The following ATR variants were observed in gnomAD, a reference collection of about 807,000 sequenced individuals.
The protein encoded by ATR is serine/threonine-protein kinase ATR.
A neutral mutation model predicts 305.3 loss-of-function variants in ATR; 142 were observed. That is an observed-to-expected ratio of 0.47 (90% CI 0.41 to 0.53). ATR has a LOEUF of 0.53. ATR is among the 20% of genes least tolerant of loss of function. The probability of loss-of-function intolerance (pLI) is 0.00; values close to 1 mark genes in which losing one functional copy is unlikely to be tolerated. For synonymous variants in ATR, 1,050 were observed against 1,068.1 expected, an observed-to-expected ratio of 0.98 and a Z score of 0.33; for missense variants, 2,135 against 3,133.1, an observed-to-expected ratio of 0.68 and a Z score of 7.60.
intron 36 of ATR, among the ~76,000 whole-genome samples, chr3:142,478,185 G>T (rs976861521): frequency 1.3e-5 from 2 of 152,102 alleles, no homozygotes; most frequent in African/African-American, 4.8e-5. Context: ...TGATGTTAGG[G>T]TGTCAATTTT....
Position 142,469,559 on chromosome 3 carries a change from G to A in ATR, c.6330C>T (p.Ser2110=), listed in dbSNP as rs143869958. Residue 2110 remains serine, a synonymous_variant, in exon 38 of 47, where the codon TCC becomes TCT. Coordinates refer to ENST00000350721, the MANE Select transcript of ATR (RefSeq NM_001184.4). ...KAYEWEKAGR[S]DRVQMRNDLG... ...AATCATTCCTCATTTGTACACGATC[G>A]GAGCGGCCAGCTGGGGGAAGAAATA... 26 of 1,612,300 alleles carry A rather than the reference G, an allele frequency of 1.6e-5. No homozygotes were observed. The highest frequency in any genetic ancestry group is 8.3e-5 in the Admixed American group (5 of 59,960).
chr3:142,523,034 T>C (rs1395816088), intron 22 of ATR, among the ~76,000 whole-genome samples, 193 bp from the exon 23 acceptor site: 1 of 152,198 alleles, frequency 6.6e-6, no homozygotes, highest in Non-Finnish European at 1.5e-5. Context: ...AGCCAAAATG[T>C]AAAGCTTTTT....
intron 1 of ATR, among the ~76,000 whole-genome samples, chr3:142,571,496 T>C (rs2035258483): frequency 1.3e-5 from 2 of 149,376 alleles, no homozygotes; most frequent in African/African-American, 2.5e-5. Flanking sequence ...AATAAATAAA[T>C]AAATAAATAA....
At chr3:142,559,573 C>A in intron 6 of ATR, 132 bp from the exon 7 acceptor site, 2 of 843,650 alleles carry the variant, frequency 2.4e-6, no homozygotes, top group Non-Finnish European at 1.9e-6. Flanking sequence ...AGTAAACATG[C>A]AAATCAAGTA....
In ATR at chr3:142,522,071, C is replaced by G. The variant is rs545968928; in HGVS notation, c.4266+657G>C. Among the ~76,000 whole-genome samples, 3 of 152,132 alleles carry G rather than the reference C, an allele frequency of 2.0e-5. No individual in the cohort carries two copies. In the East Asian group the frequency reaches 5.8e-4, roughly 29 times the overall value. Reference sequence around the variant, plus strand: ...TTTTTAAGAAATTGCCACAGCCATTCCAACCTTCAGCAACCACCACGGTAA... The same window carrying G: ...TTTTTAAGAAATTGCCACAGCCATTGCAACCTTCAGCAACCACCACGGTAA... On this transcript the variant is annotated intron_variant, in intron 23 of 46. Transcript: ENST00000350721.
intron 14 of ATR, 76 bp downstream of exon 14, chr3:142,550,056 T>A: frequency 1.3e-6 from 2 of 1,560,400 alleles, no homozygotes; most frequent in Admixed American, 1.7e-5. Context: ...TAATCTCATA[T>A]CAAAGTCAAA....
chr3:142,497,168 C>T lies in ATR; in HGVS notation c.5583G>A (p.Glu1861=), dbSNP rs2108336801. Residue 1861 remains glutamate, a synonymous_variant, in exon 33 of 47, where the codon GAG becomes GAA. Coordinates refer to ENST00000350721, the MANE Select transcript of ATR (RefSeq NM_001184.4). ...IVRLHMLCEL[E]HSIKPLFQHS... ...GCTGGAAAAGTGGTTTGATGCTATGCTCCAACTCACATAACATGTGCAATC... is the reference window on the plus strand; with the variant it reads ...GCTGGAAAAGTGGTTTGATGCTATGTTCCAACTCACATAACATGTGCAATC... The T allele has an allele frequency of 6.2e-7, 1 of 1,614,016 alleles. No homozygotes were observed. The highest frequency in any genetic ancestry group is 8.5e-7 in the Non-Finnish European group (1 of 1,179,962).
chr3:142,560,824 T>A (rs1258079117), intron 5 of ATR, among the ~76,000 whole-genome samples: 1 of 152,216 alleles, frequency 6.6e-6, no homozygotes, highest in Non-Finnish European at 1.5e-5. Context: ...CCTCCCAAAG[T>A]GCTGGGATTA....
intron 21 of ATR, among the ~76,000 whole-genome samples, chr3:142,531,590 C>CT (rs36144191): frequency 5.3e-5 from 8 of 152,222 alleles, no homozygotes; most frequent in African/African-American, 1.9e-4. Flanking sequence ...TGAACTCATC[C>CT]TTTTTTATGG....
intron 36 of ATR, among the ~76,000 whole-genome samples, chr3:142,478,249 A>C (rs1229564222): frequency 6.6e-6 from 1 of 151,664 alleles, no homozygotes; most frequent in African/African-American, 2.4e-5. Context: ...TTCCCTCTAC[A>C]CACTGCTTTA....
chr3:142,513,358 A>G, intron 26 of ATR, 143 bp downstream of exon 26: 1 of 978,528 alleles, frequency 1.0e-6, no homozygotes, highest in South Asian at 1.5e-5. Context: ...TACACACACC[A>G]AACAGGCAAA....
At chr3:142,535,991 A>G in intron 20 of ATR, 117 bp downstream of exon 20, 1 of 729,398 alleles carries the variant, frequency 1.4e-6, no homozygotes, top group Non-Finnish European at 2.4e-6. Flanking sequence ...ATTAGCTATC[A>G]GAATAGGACT....
At chr3:142,507,040 C>T (rs1333666821) in intron 28 of ATR, among the ~76,000 whole-genome samples, 3 of 152,164 alleles carry the variant, frequency 2.0e-5, no homozygotes, top group African/African-American at 7.2e-5. Context: ...AGAAGTTGAG[C>T]ATCACTCTAA....
rs201313146 is a variant in ATR at position 142,528,877 on chromosome 3, A to ATTTTTTTTTTTTTT, written c.3946-4679_3946-4678insAAAAAAAAAAAAAA. 1.0e-4 allele frequency among the ~76,000 whole-genome samples: 5 copies of ATTTTTTTTTTTTTT among 47,708 alleles called. 1 individual carries two copies. Among genetic ancestry groups the ATTTTTTTTTTTTTT allele is most frequent in the East Asian group, 4.6e-4 (1 of 2,158 alleles). 31.3% of individuals were successfully genotyped at this position (47,708 alleles called of 152,430 possible). A position where few individuals can be genotyped will look rare whatever the true frequency, so the allele number is the denominator to read the frequency against. Reference sequence around the variant, plus strand: ...ATCATATATATATATATATATATATATATTTTTTTTTTTTTTTTTTTTTTG... The same window carrying ATTTTTTTTTTTTTT: ...ATCATATATATATATATATATATATATTTTTTTTTTTTTTTATTTTTTTTTTTTTTTTTTTTTTG... On this transcript the variant is annotated intron_variant, in intron 21 of 46. Transcript: ENST00000350721.
At chr3:142,480,860 C>G (rs750695959) in intron 36 of ATR, among the ~76,000 whole-genome samples, 2 of 152,192 alleles carry the variant, frequency 1.3e-5, no homozygotes, top group Non-Finnish European at 2.9e-5. Flanking sequence ...ATGAGAGAGG[C>G]TCCGTGGGCA....
At chr3:142,540,439 G>A (rs1470513281) in intron 18 of ATR, among the ~76,000 whole-genome samples, 1 of 152,106 alleles carries the variant, frequency 6.6e-6, no homozygotes, top group Non-Finnish European at 1.5e-5. Flanking sequence ...GAGACAACTG[G>A]AGGAAATGTG....
At chr3:142,504,405 A>C (rs188391936) in intron 29 of ATR, among the ~76,000 whole-genome samples, 38 of 152,314 alleles carry the variant, frequency 2.5e-4, no homozygotes, top group African/African-American at 7.9e-4. Context: ...GATATACTCC[A>C]TAATAAATCT....
intron 30 of ATR, 33 bp downstream of exon 30, chr3:142,503,329 A>G (rs1341746802): frequency 2.0e-6 from 3 of 1,473,318 alleles, no homozygotes; most frequent in South Asian, 2.3e-5. Context: ...TTCAGATGCA[A>G]TAACAAAAGA....
intron 36 of ATR, among the ~76,000 whole-genome samples, chr3:142,478,530 T>C (rs2030102870): frequency 6.6e-6 from 1 of 152,310 alleles, no homozygotes; most frequent in East Asian, 1.9e-4. Context: ...AGTTTTGGAA[T>C]AGGTGTGGTG....
Sources: allele counts gnomAD v4.1 joint callset (sites outside exome capture counted in the v4.1 genomes callset), GRCh38; gene constraint gnomAD v4.1.1; transcripts MANE v1.5; gene names NCBI Gene and HGNC (gene_info 2026-07-23, HGNC 2026-07-21).